ASTN2: variants seen among roughly 807,000 people sequenced by gnomAD.
ASTN2 encodes astrotactin 2.
A neutral mutation model predicts 139.8 loss-of-function variants in ASTN2; 54 were observed. The ratio of observed to expected loss-of-function variants is 0.39; its 90% CI spans 0.31 to 0.48. ASTN2 has a LOEUF of 0.48. Among genes scored for constraint, ASTN2 ranks in the 20% least tolerant of loss-of-function variants. The pLI, the probability that ASTN2 is intolerant of heterozygous loss-of-function variation, is 0.95. For synonymous variants in ASTN2, 756 were observed against 719.5 expected (o/e 1.05, Z -0.81); for missense variants, 1,565 against 1,725.1 (o/e 0.91, Z 1.64).
chr9:116,511,293 G>C (rs1850365883), intron 19 of ASTN2, among the ~76,000 whole-genome samples: 2 of 152,244 alleles, frequency 1.3e-5, no homozygotes, highest in South Asian at 4.1e-4. Flanking sequence ...CTGTTTATAT[G>C]CTGGATTATG....
intron 22 of ASTN2, among the ~76,000 whole-genome samples, chr9:116,434,391 G>C (rs1217046227): frequency 1.3e-5 from 2 of 152,132 alleles, no homozygotes; most frequent in African/African-American, 4.8e-5. Flanking sequence ...ACACAATCTT[G>C]GAGGAATGTA....
chr9:116,648,005 CTT>C (rs71377260), intron 17 of ASTN2, among the ~76,000 whole-genome samples: 13 of 140,960 alleles, frequency 9.2e-5, no homozygotes, highest in African/African-American at 7.8e-5. Context: ...TTTTTCTTTT[CTT>C]TTTTTTTTTT....
intron 19 of ASTN2, among the ~76,000 whole-genome samples, chr9:116,553,699 G>C (rs1312595692): frequency 6.6e-6 from 1 of 152,204 alleles, no homozygotes. Flanking sequence ...TTCCATGCAT[G>C]AGGTAGGGAC....
At chr9:116,866,658 G>A (rs530005075) in intron 10 of ASTN2, among the ~76,000 whole-genome samples, 2 of 152,198 alleles carry the variant, frequency 1.3e-5, no homozygotes, top group South Asian at 4.2e-4. Context: ...TGTAATCCCA[G>A]CACTTTGGGA....
chr9:117,331,281 T>C (rs891163985), intron 1 of ASTN2, among the ~76,000 whole-genome samples: 2 of 152,132 alleles, frequency 1.3e-5, no homozygotes, highest in Non-Finnish European at 2.9e-5. Flanking sequence ...CGAGGTTTCC[T>C]GCCTTCCTCT....
At chr9:117,030,527 T>A (rs1233737095) in intron 6 of ASTN2, among the ~76,000 whole-genome samples, 1 of 152,190 alleles carries the variant, frequency 6.6e-6, no homozygotes, top group Non-Finnish European at 1.5e-5. Context: ...GAAGCCAAGC[T>A]AACATCTTAG....
chr9:116,512,789 T>C lies in ASTN2; in HGVS notation c.3356-25289A>G, dbSNP rs563363801. On this transcript the variant is annotated intron_variant, in intron 19 of 22. Transcript: ENST00000313400. ...CTTTGTCTCTTTTGATCTTTGTTGG[T>C]TTAAAATCTCTTTTATCAGAGTCTA... Among the ~76,000 whole-genome samples the C allele has an allele frequency of 3.9e-5, 6 of 152,344 alleles. No homozygotes were observed. The South Asian group carries it at 1.0e-3, about 26-fold the overall frequency.
intron 16 of ASTN2, among the ~76,000 whole-genome samples, chr9:116,668,281 C>A (rs1588165349): frequency 6.6e-6 from 1 of 151,932 alleles, no homozygotes; most frequent in South Asian, 2.1e-4. Context: ...AACCTCCGCC[C>A]CCCAGGTTCA....
chr9:116,574,324 G>A (rs1853637742), intron 19 of ASTN2, among the ~76,000 whole-genome samples: 1 of 152,196 alleles, frequency 6.6e-6, no homozygotes. Flanking sequence ...AAGGAAAAAG[G>A]TAGGAAATGT....
intron 6 of ASTN2, among the ~76,000 whole-genome samples, chr9:117,038,422 C>A (rs1400896756): frequency 6.6e-6 from 1 of 152,024 alleles, no homozygotes; most frequent in Non-Finnish European, 1.5e-5. Context: ...ATATGAGGTG[C>A]TGGAAATATT....
intron 13 of ASTN2, among the ~76,000 whole-genome samples, chr9:116,802,795 T>C (rs1052188515): frequency 6.6e-6 from 1 of 152,256 alleles, no homozygotes; most frequent in Non-Finnish European, 1.5e-5. Context: ...TTTGAAGGCA[T>C]GTTCATTGGC....
At position 116,975,311 on chromosome 9, in the gene ASTN2, G is replaced by A. The variant is rs1564367141; in HGVS notation, c.1786C>T (p.Pro596Ser). The A allele has an allele frequency of 6.2e-7, 1 of 1,613,324 alleles. No individual in the cohort carries two copies. Among genetic ancestry groups the A allele is most frequent in the Middle Eastern group, 1.7e-4 (1 of 6,056 alleles). The change falls in exon 10 of 23, where the codon CCT becomes TCT. Residue 596 changes from proline (P) to serine (S), a missense_variant. Transcript: ENST00000313400. ...TFSLGQGLWL[P>S]VSKSFVVPPV... ...GGAACCACAAAGCTTTTGCTGACAG[G>A]AAGCCAGAGGCCTTGGCCCAAGCTG...
chr9:117,374,075 T>A (rs1830057433), intron 1 of ASTN2, among the ~76,000 whole-genome samples: 1 of 152,296 alleles, frequency 6.6e-6, no homozygotes, highest in Non-Finnish European at 1.5e-5. Flanking sequence ...GGGAAATACT[T>A]GCAACTGTTA....
intron 1 of ASTN2, among the ~76,000 whole-genome samples, chr9:117,396,976 T>C (rs1216142232): frequency 2.0e-5 from 3 of 146,990 alleles, no homozygotes; most frequent in African/African-American, 7.6e-5. Flanking sequence ...GAGTCTCGCT[T>C]TGTCACCCAG....
intron 13 of ASTN2, among the ~76,000 whole-genome samples, chr9:116,803,030 T>C (rs1255416786): frequency 6.6e-6 from 1 of 152,236 alleles, no homozygotes; most frequent in Non-Finnish European, 1.5e-5. Context: ...GAAACCATCG[T>C]CTTTCCTTGG....
At chr9:116,980,859 T>C (rs578201236) in intron 7 of ASTN2, among the ~76,000 whole-genome samples, 8 of 152,272 alleles carry the variant, frequency 5.3e-5, no homozygotes, top group African/African-American at 1.7e-4. Flanking sequence ...AATTAACCTC[T>C]TCCCTGGGTG....
At chr9:116,553,033 CAG>C (rs768292811) in intron 19 of ASTN2, among the ~76,000 whole-genome samples, 30 of 152,160 alleles carry the variant, frequency 2.0e-4, no homozygotes, top group Non-Finnish European at 2.2e-4. Flanking sequence ...CCAGGTAAGA[CAG>C]AGAATTGAAG....
chr9:116,429,988 C>T (rs1847444878), intron 22 of ASTN2, among the ~76,000 whole-genome samples: 1 of 152,152 alleles, frequency 6.6e-6, no homozygotes, highest in South Asian at 2.1e-4. Context: ...ACATAAACTA[C>T]TAGTTGTTTG....
intron 1 of ASTN2, among the ~76,000 whole-genome samples, chr9:117,407,550 C>A (rs1188402629): frequency 6.6e-6 from 1 of 152,190 alleles, no homozygotes; most frequent in Non-Finnish European, 1.5e-5. Context: ...AACTCACAGA[C>A]TTGGATGCTT....
Sources: gnomAD v4.1 joint callset for allele counts (sites outside exome capture counted in the v4.1 genomes callset) on GRCh38, gnomAD v4.1.1 for gene constraint, MANE v1.5 for transcripts, NCBI Gene and HGNC (gene_info 2026-07-23, HGNC 2026-07-21) for gene names.